SMARCA2: variants seen among roughly 807,000 people sequenced by gnomAD.
SMARCA2 encodes the protein SWI/SNF-related matrix-associated actin-dependent regulator of chromatin subfamily A member 2.
A neutral mutation model predicts 199.8 loss-of-function variants in SMARCA2; 61 were observed. The ratio of observed to expected loss-of-function variants is 0.31; its 90% CI spans 0.25 to 0.38. The LOEUF (loss-of-function observed/expected upper bound fraction) is 0.38. Among genes scored for constraint, SMARCA2 ranks in the 10% least tolerant of loss-of-function variants. The probability of loss-of-function intolerance (pLI) is 1.00; values close to 1 mark genes in which losing one functional copy is unlikely to be tolerated. For synonymous variants in SMARCA2, 935 were observed against 732.0 expected, an observed-to-expected ratio of 1.28 and a Z score of -4.48; for missense variants, 1,344 against 2,012.2, an observed-to-expected ratio of 0.67 and a Z score of 6.35.
At chr9:2,054,189 T>C (rs1820247873) in intron 5 of SMARCA2, among the ~76,000 whole-genome samples, 1 of 152,222 alleles carries the variant, frequency 6.6e-6, no homozygotes, top group Non-Finnish European at 1.5e-5. Flanking sequence ...AGGACAGAAC[T>C]AGAAGTTCGG....
Position 2,058,278 on chromosome 9 carries a change from T to A in SMARCA2, c.1348-13T>A. ...TTTTAAGTATCCTTTTCTTCCCTTT[T>A]TGGATCTTCTAGGAATACCTGAACA... On this transcript the variant is annotated splice_polypyrimidine_tract_variant and intron_variant, in intron 7 of 33. Coordinates refer to ENST00000349721, the MANE Select transcript of SMARCA2 (RefSeq NM_003070.5). 1 of 1,612,214 alleles carries A rather than the reference T, an allele frequency of 6.2e-7. No homozygotes were observed. Among genetic ancestry groups the A allele is most frequent in the Non-Finnish European group, 8.5e-7 (1 of 1,178,404 alleles).
rs145129640 is a variant in SMARCA2, at chr9:2,060,893, C to T, written c.1599C>T (p.Thr533=). 179 of 1,613,914 alleles carry T rather than the reference C, an allele frequency of 1.1e-4. No individual in the cohort carries two copies. The highest frequency in any genetic ancestry group is 1.4e-4 in the Non-Finnish European group (171 of 1,179,956). Residue 533 remains threonine, a synonymous_variant, in exon 9 of 34, where the codon ACC becomes ACT. Coordinates refer to ENST00000349721, the MANE Select transcript of SMARCA2 (RefSeq NM_003070.5). ...GTTTAGCTTACCTTTTGCAGCAGAC[C>T]GATGAGTATGTAGCCAATCTGACCA... The part of the protein sequence containing the change: ...DRRLAYLLQQ[T]DEYVANLTNL...
intron 3 of SMARCA2, among the ~76,000 whole-genome samples, chr9:2,038,897 G>A (rs996136233): frequency 6.6e-5 from 10 of 152,124 alleles, no homozygotes; most frequent in Admixed American, 2.0e-4. Flanking sequence ...TAAACCAAGT[G>A]TTCGCTCTTC....
At chr9:2,035,606 A>C (rs1819295702) in intron 3 of SMARCA2, among the ~76,000 whole-genome samples, 1 of 152,224 alleles carries the variant, frequency 6.6e-6, no homozygotes, top group Non-Finnish European at 1.5e-5. Flanking sequence ...TTAGGATGAT[A>C]TCTAGCTAGC....
chr9:2,163,107 T>G (rs868452473), intron 28 of SMARCA2, among the ~76,000 whole-genome samples: 1 of 152,228 alleles, frequency 6.6e-6, no homozygotes, highest in Admixed American at 6.5e-5. Context: ...TTAAGTGGTA[T>G]AAAAAGCAAG....
At chr9:2,131,654 GT>G (rs1183506990) in intron 27 of SMARCA2, among the ~76,000 whole-genome samples, 2 of 152,106 alleles carry the variant, frequency 1.3e-5, no homozygotes, top group Non-Finnish European at 2.9e-5. Context: ...TAATTTTGGG[GT>G]TTTCTTCTTC....
rs1394606797 is a variant in SMARCA2 at position 2,169,206 on chromosome 9, G to GCTGGC, written c.4200-1202_4200-1198dup. ...CCTGTCTTCCTGAGGCCCTTGCACTGCTGGCCTGGCCTGGCAAGCTGCAGG... is the reference window on the plus strand; with the variant it reads ...CCTGTCTTCCTGAGGCCCTTGCACTGCTGGCCTGGCCTGGCCTGGCAAGCTGCAGG... On this transcript the variant is annotated intron_variant, in intron 28 of 33. Transcript: ENST00000349721. The surrounding 1 kb of genome is among the most constrained non-coding windows in gnomAD (Gnocchi z 6.5). Among the ~76,000 whole-genome samples the GCTGGC allele has an allele frequency of 6.6e-6, 1 of 152,178 alleles. No individual in the cohort carries two copies. Among genetic ancestry groups the GCTGGC allele is most frequent in the Admixed American group, 6.5e-5 (1 of 15,284 alleles).
intron 19 of SMARCA2, among the ~76,000 whole-genome samples, chr9:2,088,947 C>T (rs1821928779): frequency 7.1e-6 from 1 of 141,604 alleles, no homozygotes; most frequent in Non-Finnish European, 1.5e-5. Context: ...AATTGTTCTG[C>T]TTATAAGTGA....
chr9:2,114,760 A>G (rs187301619), intron 24 of SMARCA2, among the ~76,000 whole-genome samples: 1 of 152,326 alleles, frequency 6.6e-6, no homozygotes, highest in East Asian at 1.9e-4. Flanking sequence ...TTTAAAGCAG[A>G]AAAAAAGCAA....
In SMARCA2 at chr9:2,158,953, A is replaced by G. The variant is rs1222007406; in HGVS notation, c.3982-2733A>G. ...TTTGTAGCTCTCTGCATTCCTGCAT[A>G]AAACCTTAGTTTGAGGGGAATAATG... is the stretch of plus-strand genomic sequence containing the variant. On this transcript the variant is annotated intron_variant, in intron 27 of 33. Coordinates refer to ENST00000349721, the MANE Select transcript of SMARCA2 (RefSeq NM_003070.5). 2.5e-6 allele frequency: 4 copies of G among 1,612,100 alleles called. No homozygotes were observed. In the Admixed American group the frequency reaches 5.0e-5, roughly 20 times the overall value.
At chr9:2,149,842 G>A (rs904248411) in intron 27 of SMARCA2, among the ~76,000 whole-genome samples, 2 of 151,468 alleles carry the variant, frequency 1.3e-5, no homozygotes, top group South Asian at 2.1e-4. Context: ...TCAAAATTTT[G>A]TTTGGCATTT....
intron 29 of SMARCA2, among the ~76,000 whole-genome samples, chr9:2,176,182 G>GTTGTTTTT (rs1826577714): frequency 9.6e-6 from 1 of 104,160 alleles, no homozygotes; most frequent in African/African-American, 3.7e-5. Context: ...CGCCCGGCCT[G>GTTGTTTTT]TTTTTTTTTT....
At chr9:2,166,716 C>T (rs1374085325) in intron 28 of SMARCA2, among the ~76,000 whole-genome samples, 1 of 152,146 alleles carries the variant, frequency 6.6e-6, no homozygotes, top group Non-Finnish European at 1.5e-5. Flanking sequence ...CTGTGACATA[C>T]CCCTGAAAAT....
In SMARCA2 at chr9:2,170,868, G is replaced by A. The variant is rs1282687036; in HGVS notation, c.4253+396G>A. Among the ~76,000 whole-genome samples the A allele has an allele frequency of 1.3e-5, 2 of 152,188 alleles. No homozygotes were observed. The highest frequency in any genetic ancestry group is 4.8e-5 in the African/African-American group (2 of 41,432). ...TTTAGAAGCTTAATGCGAAGCACCT[G>A]TAGTGACTTGATCTCCTGCGAGACA... On this transcript the variant is annotated intron_variant, in intron 29 of 33. Coordinates refer to ENST00000349721, the MANE Select transcript of SMARCA2 (RefSeq NM_003070.5). The surrounding 1 kb of genome is among the most constrained non-coding windows in gnomAD (Gnocchi z 4.7).
chr9:2,151,821 A>G (rs1310795725), intron 27 of SMARCA2, among the ~76,000 whole-genome samples: 1 of 152,144 alleles, frequency 6.6e-6, no homozygotes, highest in Admixed American at 6.5e-5. Flanking sequence ...AGTCATCTCA[A>G]TATATTTTAA....
At chr9:2,143,045 A>G (rs562478276) in intron 27 of SMARCA2, among the ~76,000 whole-genome samples, 7 of 152,202 alleles carry the variant, frequency 4.6e-5, no homozygotes, top group Non-Finnish European at 1.0e-4. Flanking sequence ...AAAGAAACTT[A>G]TACAAGCAGA....
At chr9:2,047,104 T>A in intron 4 of SMARCA2, 125 bp from the exon 5 acceptor site, 1 of 637,116 alleles carries the variant, frequency 1.6e-6, no homozygotes, top group Non-Finnish European at 2.0e-6. Context: ...TTTCCTTCTC[T>A]TCCCTCAGGT....
chr9:2,029,832 G>A (rs1256614391), intron 2 of SMARCA2, among the ~76,000 whole-genome samples: 1 of 152,214 alleles, frequency 6.6e-6, no homozygotes, highest in Non-Finnish European at 1.5e-5. Flanking sequence ...ACGTCCAGCT[G>A]TTTATTTCTG....
chr9:2,136,800 A>G (rs1824215362), intron 27 of SMARCA2, among the ~76,000 whole-genome samples: 1 of 152,296 alleles, frequency 6.6e-6, no homozygotes, highest in South Asian at 2.1e-4. Context: ...ATTAAAATAA[A>G]CCATGAGATG....
Sources: allele counts gnomAD v4.1 joint callset (sites outside exome capture counted in the v4.1 genomes callset), GRCh38; gene constraint gnomAD v4.1.1; non-coding constraint Gnocchi (gnomAD v3.1); transcripts MANE v1.5; gene names NCBI Gene and HGNC (gene_info 2026-07-23, HGNC 2026-07-21).